The following PPFIBP1 variants were observed in gnomAD, a reference collection of about 807,000 sequenced individuals.
PPFIBP1 encodes the protein liprin-beta-1.
In PPFIBP1, 112 loss-of-function variants were observed where a neutral mutation model predicts 137.8. That is an observed-to-expected ratio of 0.81 (90% CI 0.70 to 0.95). The LOEUF (loss-of-function observed/expected upper bound fraction) is 0.95. Ranked by LOEUF, PPFIBP1 falls within the 40% of genes least tolerant of loss-of-function variation. The pLI is 0.00. For synonymous variants in PPFIBP1, 378 were observed against 417.3 expected (o/e 0.91, Z 1.15); for missense variants, 1,083 against 1,196.6 (o/e 0.91, Z 1.40).
At chr12:27,688,658 C>A (rs962998667) in intron 26 of PPFIBP1, among the ~76,000 whole-genome samples, 3 of 152,130 alleles carry the variant, frequency 2.0e-5, no homozygotes, top group African/African-American at 7.2e-5. Flanking sequence ...CATGTAGCTG[C>A]TTTCTCTCAT....
At chr12:27,578,520 A>G (rs1336144145) in intron 2 of PPFIBP1, among the ~76,000 whole-genome samples, 1 of 150,282 alleles carries the variant, frequency 6.7e-6, no homozygotes, top group Non-Finnish European at 1.5e-5. Context: ...TTGGTAGAAC[A>G]TAAAATAAAA....
At chr12:27,644,411 GT>G (rs2058335406) in intron 4 of PPFIBP1, among the ~76,000 whole-genome samples, 1 of 151,928 alleles carries the variant, frequency 6.6e-6, no homozygotes. Flanking sequence ...CTAAACAGCA[GT>G]TTTTTTCTAC....
intron 10 of PPFIBP1, among the ~76,000 whole-genome samples, chr12:27,660,647 C>G (rs2059487975): frequency 6.6e-6 from 1 of 152,208 alleles, no homozygotes; most frequent in South Asian, 2.1e-4. Context: ...ATAGCTAGTT[C>G]TCACACACCC....
chr12:27,681,400 G>A, intron 21 of PPFIBP1, 146 bp from the exon 22 acceptor site: 3 of 815,270 alleles, frequency 3.7e-6, no homozygotes, highest in South Asian at 3.7e-5. Context: ...TTCCTCCAAT[G>A]TATACTAAAA....
chr12:27,674,266 A>ATTACATTTAAGCAAT, intron 17 of PPFIBP1, 45 bp downstream of exon 17: 1 of 1,485,382 alleles, frequency 6.7e-7, no homozygotes, highest in Non-Finnish European at 9.3e-7. Context: ...TTCTACTTCC[A>ATTACATTTAAGCAAT]TTACATGTAA....
At chr12:27,686,383 CCTT>C (rs2061202937) in intron 24 of PPFIBP1, among the ~76,000 whole-genome samples, 2 of 152,102 alleles carry the variant, frequency 1.3e-5, no homozygotes, top group African/African-American at 2.4e-5. Context: ...CCCAATATCA[CCTT>C]CTTCTGAAAT....
chr12:27,669,458 G>A (rs1316513789), intron 13 of PPFIBP1, among the ~76,000 whole-genome samples: 1 of 152,154 alleles, frequency 6.6e-6, no homozygotes, highest in Non-Finnish European at 1.5e-5. Context: ...TATGTGAATT[G>A]TAGTTTTAAG....
intron 2 of PPFIBP1, among the ~76,000 whole-genome samples, chr12:27,623,612 G>A (rs1301498384): frequency 6.6e-6 from 1 of 152,100 alleles, no homozygotes; most frequent in Non-Finnish European, 1.5e-5. Flanking sequence ...GGAGGCTGAG[G>A]TGGGAGGATC....
chr12:27,596,071 TACAC>T (rs376577510), intron 2 of PPFIBP1, among the ~76,000 whole-genome samples: 61 of 130,758 alleles, frequency 4.7e-4, no homozygotes, highest in African/African-American at 1.3e-3. Context: ...TGGGTATAAA[TACAC>T]ACACACACAC....
At chr12:27,537,480 G>A (rs1945169144) in intron 1 of PPFIBP1, among the ~76,000 whole-genome samples, 1 of 152,064 alleles carries the variant, frequency 6.6e-6, no homozygotes, top group African/African-American at 2.4e-5. Flanking sequence ...TTCCAAGTAA[G>A]TTTGGTTCCA....
intron 15 of PPFIBP1, 35 bp from the exon 16 acceptor site, chr12:27,673,732 C>A: frequency 6.4e-7 from 1 of 1,572,580 alleles, no homozygotes; most frequent in East Asian, 2.2e-5. Flanking sequence ...GCACTGGAGC[C>A]ACTTATTATT....
intron 5 of PPFIBP1, among the ~76,000 whole-genome samples, chr12:27,646,614 A>G (rs2058516545): frequency 6.6e-6 from 1 of 152,132 alleles, no homozygotes; most frequent in Non-Finnish European, 1.5e-5. Flanking sequence ...TAACATCTGA[A>G]TATATGTAAG....
At position 27,554,969 on chromosome 12, in the gene PPFIBP1, A is replaced by G. The variant is rs527927875; in HGVS notation, c.-123-23183A>G. Reference sequence around the variant, plus strand: ...ATTATAAAACATTTGCCTGCTTGCCAAGCAGAAGAAGGAATAGGCTTGTAT... The same window carrying G: ...ATTATAAAACATTTGCCTGCTTGCCGAGCAGAAGAAGGAATAGGCTTGTAT... On this transcript the variant is annotated intron_variant, in intron 1 of 29. Transcript: ENST00000228425. Among the ~76,000 whole-genome samples the G allele has an allele frequency of 3.3e-5, 5 of 151,964 alleles. No individual in the cohort carries two copies. The East Asian group carries it at 9.7e-4, about 30-fold the overall frequency.
intron 2 of PPFIBP1, among the ~76,000 whole-genome samples, chr12:27,596,071 TACACACAC>T (rs376577510): frequency 2.3e-5 from 3 of 130,706 alleles, no homozygotes; most frequent in African/African-American, 8.7e-5. Context: ...TGGGTATAAA[TACACACAC>T]ACACACACAC....
Position 27,640,800 on chromosome 12 carries a change from A to G in PPFIBP1, c.271-5262A>G, listed in dbSNP as rs148743372. Among the ~76,000 whole-genome samples the G allele has an allele frequency of 4.5e-3, 692 of 152,290 alleles. 6 individuals carry two copies. Among genetic ancestry groups the G allele is most frequent in the African/African-American group, 0.016 (658 of 41,558 alleles). The stretch of plus-strand genomic sequence containing the variant: ...TATGACTGTGCTCTTCATGGCTGAA[A>G]GATTCAAGTCTTATCTCAATCTCTC... On this transcript the variant is annotated intron_variant, in intron 4 of 29. Transcript: ENST00000228425.
At chr12:27,594,782 G>T (rs1194791457) in intron 2 of PPFIBP1, among the ~76,000 whole-genome samples, 1 of 152,144 alleles carries the variant, frequency 6.6e-6, no homozygotes, top group Non-Finnish European at 1.5e-5. Flanking sequence ...CATTTTGATG[G>T]ACTTCCTTAT....
At position 27,692,870 on chromosome 12, in the gene PPFIBP1, C is replaced by T. The variant is rs1322539608; in HGVS notation, c.3006C>T (p.Asp1002=). The T allele has an allele frequency of 1.9e-6, 3 of 1,614,130 alleles. No individual in the cohort carries two copies. Among genetic ancestry groups the T allele is most frequent in the Admixed American group, 1.7e-5 (1 of 60,020 alleles). The part of the protein sequence containing the change: ...RSPSASITDE[D]SNV ...CCAGTGCCAGCATTACAGATGAAGA[C>T]TCAAACGTTTGACCGTAGCACCTGG... The change falls in exon 30 of 30, where the codon GAC becomes GAT. Residue 1002 remains aspartate (D), a synonymous_variant. Coordinates refer to ENST00000228425, the MANE Select transcript of PPFIBP1 (RefSeq NM_003622.4).
intron 3 of PPFIBP1, 81 bp from the exon 4 acceptor site, chr12:27,634,829 A>C: frequency 1.8e-6 from 2 of 1,102,444 alleles, no homozygotes; most frequent in South Asian, 2.7e-5. Flanking sequence ...TACTGTGACT[A>C]GACTGGTTTA....
intron 12 of PPFIBP1, 40 bp downstream of exon 12, chr12:27,664,486 T>C (rs578016342): frequency 1.5e-6 from 2 of 1,357,980 alleles, no homozygotes; most frequent in East Asian, 4.8e-5. Flanking sequence ...TTTGGTTGAC[T>C]CTAAGTGGCT....
Sources: allele counts gnomAD v4.1 joint callset (sites outside exome capture counted in the v4.1 genomes callset), GRCh38; gene constraint gnomAD v4.1.1; transcripts MANE v1.5; gene names NCBI Gene and HGNC (gene_info 2026-07-23, HGNC 2026-07-21).